Variants in CDH11 observed in about 807,000 individuals in gnomAD.
The protein encoded by CDH11 is cadherin 11.
A neutral mutation model predicts 67.8 loss-of-function variants in CDH11; 11 were observed. The ratio of observed to expected loss-of-function variants is 0.16; its 90% CI spans 0.10 to 0.27. The LOEUF (loss-of-function observed/expected upper bound fraction) is 0.27, where lower values mean the gene tolerates loss of function less well. Among genes scored for constraint, CDH11 ranks in the 10% least tolerant of loss-of-function variants. The pLI, the probability that CDH11 is intolerant of heterozygous loss-of-function variation, is 1.00. For synonymous variants in CDH11, 419 were observed against 400.0 expected (o/e 1.05, Z -0.57); for missense variants, 847 against 1,031.2 (o/e 0.82, Z 2.45).
rs1318854002 is a variant in CDH11 at position 65,121,835 on chromosome 16, G to A, written c.-298+45C>T. The A allele has an allele frequency of 8.6e-6, 6 of 700,546 alleles. No individual in the cohort carries two copies. Among genetic ancestry groups the A allele is most frequent in the South Asian group, 4.4e-5 (3 of 67,530 alleles). 43.4% of individuals were successfully genotyped at this position (700,546 alleles called of 1,614,324 possible). On this transcript the variant is annotated intron_variant, in intron 1 of 12. Transcript: ENST00000268603. The surrounding 1 kb of genome is among the most constrained non-coding windows in gnomAD (Gnocchi z 4.1). ...GAGAAAATCCTGCCCCCCATTCCAA[G>A]AAGCCCCAACCAGGCGAGAGGAAGG...
At chr16:65,017,955 T>C (rs2073344967) in intron 2 of CDH11, among the ~76,000 whole-genome samples, 1 of 152,204 alleles carries the variant, frequency 6.6e-6, no homozygotes, top group Non-Finnish European at 1.5e-5. Flanking sequence ...GCTTGCAAAA[T>C]AAGTTTTAGC....
intron 4 of CDH11, among the ~76,000 whole-genome samples, chr16:64,993,553 C>A (rs892909439): frequency 3.9e-5 from 6 of 152,040 alleles, no homozygotes; most frequent in Non-Finnish European, 7.4e-5. Flanking sequence ...TAATTTATGG[C>A]CATAAATACT....
chr16:65,114,831 T>G (rs2142891494), intron 1 of CDH11, among the ~76,000 whole-genome samples: 1 of 152,254 alleles, frequency 6.6e-6, no homozygotes, highest in South Asian at 2.1e-4. Flanking sequence ...TCCGTTATTT[T>G]TAGCATGATG....
intron 2 of CDH11, among the ~76,000 whole-genome samples, chr16:65,016,981 G>T (rs941421615): frequency 6.6e-6 from 1 of 152,146 alleles, no homozygotes; most frequent in African/African-American, 2.4e-5. Context: ...AACTGTTGTG[G>T]CACTGCTGGG....
rs2073012658 is a variant in CDH11, at chr16:65,004,852, A to G, written c.18T>C (p.Cys6=). Residue 6 remains cysteine, a synonymous_variant, in exon 3 of 13, where the codon TGT becomes TGC. Coordinates refer to ENST00000268603, the MANE Select transcript of CDH11 (RefSeq NM_001797.4). MKENY[C]LQAALVCLGM... ...CCAGGCACACCAGGGCGGCTTGTAA[A>G]CAGTAGTTCTCCTTCATTTTTGGTT... The G allele has an allele frequency of 6.5e-7, 1 of 1,540,944 alleles. No individual in the cohort carries two copies. The highest frequency in any genetic ancestry group is 8.8e-7 in the Non-Finnish European group (1 of 1,140,982).
At chr16:64,958,677 A>C (rs2071587653) in intron 11 of CDH11, among the ~76,000 whole-genome samples, 1 of 152,212 alleles carries the variant, frequency 6.6e-6, no homozygotes, top group Non-Finnish European at 1.5e-5. Context: ...ACCCTGGAAC[A>C]CTGACATTAT....
intron 1 of CDH11, among the ~76,000 whole-genome samples, chr16:65,105,449 G>C (rs1040276662): frequency 2.0e-5 from 3 of 152,176 alleles, no homozygotes; most frequent in African/African-American, 7.2e-5. Context: ...CAGGGCAACA[G>C]TCACATCCCT....
intron 2 of CDH11, among the ~76,000 whole-genome samples, chr16:65,026,932 T>G (rs1182909935): frequency 6.6e-6 from 1 of 152,152 alleles, no homozygotes; most frequent in African/African-American, 2.4e-5. Flanking sequence ...GATAAATATC[T>G]TCTAATAAAT....
chr16:65,111,674 A>AACACACACCC lies in CDH11; in HGVS notation c.-298+10205_-298+10206insGGGTGTGTGT, dbSNP rs1555529627. Among the ~76,000 whole-genome samples the AACACACACCC allele has an allele frequency of 4.3e-5, 6 of 140,728 alleles. No homozygotes were observed. In the East Asian group the frequency reaches 1.3e-3, roughly 30 times the overall value. 92.3% of individuals were successfully genotyped at this position (140,728 alleles called of 152,430 possible). On this transcript the variant is annotated intron_variant, in intron 1 of 12. Coordinates refer to ENST00000268603, the MANE Select transcript of CDH11 (RefSeq NM_001797.4). ...GTCCTTTCCTCTGAGGAAAGCTAGA[A>AACACACACCC]ACACACACACACACACACACACACA...
At chr16:65,099,707 T>C (rs2074958755) in intron 1 of CDH11, among the ~76,000 whole-genome samples, 1 of 152,094 alleles carries the variant, frequency 6.6e-6, no homozygotes, top group African/African-American at 2.4e-5. Flanking sequence ...AATGTAGAAA[T>C]ATAAAATTCA....
Position 64,946,917 on chromosome 16 carries a change from T to C in CDH11, c.*686A>G. The C allele has an allele frequency of 1.2e-6, 1 of 810,000 alleles. No individual in the cohort carries two copies. The highest frequency in any genetic ancestry group is 1.5e-6 in the Non-Finnish European group (1 of 659,200). 50.2% of individuals were successfully genotyped at this position (810,000 alleles called of 1,614,324 possible). A position where few individuals can be genotyped will look rare whatever the true frequency, so the allele number is the denominator to read the frequency against. On this transcript the variant is annotated 3_prime_UTR_variant, in exon 13 of 13. Transcript: ENST00000268603. ...ATGTCAGAATACTGATATTTATACG[T>C]ATACTAAAATAAGAACTTTAAAATT...
In CDH11 at chr16:64,973,033, T is replaced by G; in HGVS notation, c.1261A>C (p.Ile421Leu). Residue 421 changes from isoleucine (I) to leucine (L), a missense_variant, in exon 9 of 13, where the codon ATC becomes CTC. Physicochemically the swap from Ile to Leu is conservative, Grantham distance 5. This residue lies in a region of CDH11 where 612 missense variants were observed against 678.7 expected (regional missense o/e 0.90). Transcript: ENST00000268603. The part of the protein sequence containing the change: ...DAANSPIRYS[I>L]DRHTDLDRFF... ...CTGTCGAGGTCAGTGTGACGATCGA[T>G]GGAATACCTAAGCAGAATGCAAATG... The G allele has an allele frequency of 6.2e-7, 1 of 1,613,528 alleles. No individual in the cohort carries two copies. The highest frequency in any genetic ancestry group is 1.7e-5 in the Admixed American group (1 of 59,994).
At chr16:65,060,280 A>G (rs1379590987) in intron 1 of CDH11, among the ~76,000 whole-genome samples, 1 of 152,030 alleles carries the variant, frequency 6.6e-6, no homozygotes, top group African/African-American at 2.4e-5. Context: ...CTACCAAATA[A>G]AGAAGAATAA....
chr16:64,979,876 CT>C (rs35927841), intron 8 of CDH11, among the ~76,000 whole-genome samples: 109,336 of 152,018 alleles, frequency 0.72, 41,573 homozygotes, highest in East Asian at 1. Flanking sequence ...TGAAAAATTA[CT>C]TCAGAGATAA....
At chr16:64,992,170 A>G (rs1050870339) in intron 5 of CDH11, among the ~76,000 whole-genome samples, 1 of 152,218 alleles carries the variant, frequency 6.6e-6, no homozygotes, top group African/African-American at 2.4e-5. Flanking sequence ...TGTACATTCA[A>G]GTAATAACCC....
Position 64,948,058 on chromosome 16 carries a change from C to G in CDH11, c.1936G>C (p.Glu646Gln). 6.2e-7 allele frequency: 1 copy of G among 1,614,036 alleles called. No individual in the cohort carries two copies. The highest frequency in any genetic ancestry group is 8.5e-7 in the Non-Finnish European group (1 of 1,179,994). ...LFVTLRRQKKEPLIVFEEEDV... is the reference protein window; with the variant it reads ...LFVTLRRQKKQPLIVFEEEDV... ...TCTTCCTCAAAGACAATGAGTGGTTCTTTCTTTTGCCTTCTCAGGGTCACA... is the reference window on the plus strand; with the variant it reads ...TCTTCCTCAAAGACAATGAGTGGTTGTTTCTTTTGCCTTCTCAGGGTCACA... The change falls in exon 13 of 13, where the codon GAA (glutamate) becomes CAA (glutamine). Residue 646 changes from glutamate to glutamine, a missense_variant. By Grantham distance (29) the Glu-to-Gln change is conservative. This residue lies in a region of CDH11 where 612 missense variants were observed against 678.7 expected (regional missense o/e 0.90). Transcript: ENST00000268603.
intron 1 of CDH11, among the ~76,000 whole-genome samples, chr16:65,063,906 C>G (rs1003957161): frequency 9.2e-5 from 14 of 152,190 alleles, no homozygotes; most frequent in African/African-American, 3.4e-4. Flanking sequence ...AGCATCCCAC[C>G]TCCCTTTATG....
At position 64,947,594 on chromosome 16, in the gene CDH11, T is replaced by A. The variant is rs755208152; in HGVS notation, c.*9A>T. ...CACAGTTCTTAAGGCCAAATTTGTATCGTTATTGTTAAGAATCGTCATCAA... is the reference window on the plus strand; with the variant it reads ...CACAGTTCTTAAGGCCAAATTTGTAACGTTATTGTTAAGAATCGTCATCAA... On this transcript the variant is annotated 3_prime_UTR_variant, in exon 13 of 13. Coordinates refer to ENST00000268603, the MANE Select transcript of CDH11 (RefSeq NM_001797.4). 19 of 1,598,218 alleles carry A rather than the reference T, an allele frequency of 1.2e-5. No individual in the cohort carries two copies. The highest frequency in any genetic ancestry group is 1.5e-5 in the Non-Finnish European group (17 of 1,168,964).
chr16:64,963,544 T>C (rs1282513994), intron 11 of CDH11, among the ~76,000 whole-genome samples: 9 of 152,194 alleles, frequency 5.9e-5, no homozygotes, highest in Admixed American at 3.3e-4. Flanking sequence ...GAAACAGTTA[T>C]GACAGAATTT....
Sources: allele counts gnomAD v4.1 joint callset (sites outside exome capture counted in the v4.1 genomes callset), GRCh38; gene constraint gnomAD v4.1.1; regional missense constraint gnomAD v4.1.1; non-coding constraint Gnocchi (gnomAD v3.1); transcripts MANE v1.5; gene names NCBI Gene and HGNC (gene_info 2026-07-23, HGNC 2026-07-21).